ZNF248: variants seen among roughly 807,000 people sequenced by gnomAD.
The protein encoded by ZNF248 is zinc finger protein 248.
In ZNF248, 20 loss-of-function variants were observed where a neutral mutation model predicts 44.3. That is an observed-to-expected ratio of 0.45 (90% CI 0.32 to 0.66). The LOEUF (loss-of-function observed/expected upper bound fraction) is 0.66. Ranked by LOEUF, ZNF248 falls within the 30% of genes least tolerant of loss-of-function variation. The probability of loss-of-function intolerance (pLI) is 0.04; values close to 1 mark genes in which losing one functional copy is unlikely to be tolerated. For synonymous variants in ZNF248, 224 were observed against 229.0 expected (o/e 0.98, Z 0.20); for missense variants, 654 against 677.0 (o/e 0.97, Z 0.38).
chr10:37,759,722 AG>A, the ZNF248 span, among the ~76,000 whole-genome samples: 1 of 152,218 alleles, frequency 6.6e-6, no homozygotes, highest in Admixed American at 6.5e-5. Context: ...TACCGAGTTG[AG>A]GTTAGAGCCC....
the ZNF248 span, among the ~76,000 whole-genome samples, chr10:37,767,451 G>T: frequency 2.0e-5 from 3 of 152,324 alleles, no homozygotes; most frequent in East Asian, 3.9e-4. Context: ...CAAGCCAGAA[G>T]GGAGTGGGGG....
chr10:37,820,695 C>G lies in ZNF248; in HGVS notation c.330+12330G>C, dbSNP rs114254041. On this transcript the variant is annotated intron_variant, in intron 6 of 6. Transcript: ENST00000615949. Reference sequence around the variant, plus strand: ...TCATTCTGCTTTTTCTCGGGAGTCTCTACTTCTTTATCACTCAAGGATCCC... The same window carrying G: ...TCATTCTGCTTTTTCTCGGGAGTCTGTACTTCTTTATCACTCAAGGATCCC... The G allele has an allele frequency of 6.9e-4, 949 of 1,371,382 alleles. 6 individuals carry two copies. In the African/African-American group the frequency reaches 0.012, roughly 18 times the overall value. The allele number at this position is 1,371,382 out of a possible 1,614,324, so 85.0% of individuals were successfully genotyped here.
At chr10:37,844,236 C>T (rs1333904952) in intron 3 of ZNF248, among the ~76,000 whole-genome samples, 1 of 152,094 alleles carries the variant, frequency 6.6e-6, no homozygotes, top group East Asian at 1.9e-4. Flanking sequence ...AATAAAAATC[C>T]TGCCAGCCAG....
downstream of ZNF248, among the ~76,000 whole-genome samples, chr10:37,774,566 C>T (rs1471806240): frequency 3.3e-5 from 5 of 152,072 alleles, no homozygotes; most frequent in African/African-American, 7.2e-5. Flanking sequence ...ATGAAGCAGA[C>T]GGAAGAAATC....
At chr10:37,786,243 G>A (rs941267591) in intron 6 of ZNF248, among the ~76,000 whole-genome samples, 4 of 152,236 alleles carry the variant, frequency 2.6e-5, no homozygotes, top group East Asian at 3.9e-4. Flanking sequence ...ATGATTTCAC[G>A]GGAATCCTTC....
Position 37,830,374 on chromosome 10 carries a change from G to C in ZNF248, c.*1241C>G. 2.0e-6 allele frequency: 2 copies of C among 985,304 alleles called. No individual in the cohort carries two copies. Among genetic ancestry groups the C allele is most frequent in the Non-Finnish European group, 2.4e-6 (2 of 829,910 alleles). The allele number at this position is 985,304 out of a possible 1,614,324, so 61.0% of individuals were successfully genotyped here. The stretch of plus-strand genomic sequence containing the variant: ...GGAAACAGTCAGAGGAAAGGTACGT[G>C]ATATAGTTCTTTGTGAAATAATATT... On this transcript the variant is annotated 3_prime_UTR_variant, in exon 6 of 6. Coordinates refer to ENST00000395867, the MANE Select transcript of ZNF248 (RefSeq NM_021045.3).
chr10:37,816,123 T>C (rs1319550634), intron 6 of ZNF248, among the ~76,000 whole-genome samples: 1 of 151,700 alleles, frequency 6.6e-6, no homozygotes, highest in Non-Finnish European at 1.5e-5. Context: ...CCCTAGGCTC[T>C]GGGAATGGCT....
intron 3 of ZNF248, 80 bp downstream of exon 3, chr10:37,856,216 C>T: frequency 6.7e-7 from 1 of 1,494,384 alleles, no homozygotes; most frequent in East Asian, 2.3e-5. Context: ...TTCTATTTTT[C>T]CATTTTCAAA....
At chr10:37,805,466 T>A (rs962474418) in intron 6 of ZNF248, among the ~76,000 whole-genome samples, 2 of 152,194 alleles carry the variant, frequency 1.3e-5, no homozygotes, top group African/African-American at 2.4e-5. Flanking sequence ...CTTACATAAT[T>A]AGGGACTTTC....
At chr10:37,765,749 AGACAGTGGGTGCAG>A in the ZNF248 span, among the ~76,000 whole-genome samples, 7 of 144,144 alleles carry the variant, frequency 4.9e-5, no homozygotes, top group African/African-American at 8.6e-5. Flanking sequence ...AGGGAGTGCC[AGACAGTGGGTGCAG>A]GACAGTGGGT....
chr10:37,792,268 T>C (rs1268312566), intron 6 of ZNF248, among the ~76,000 whole-genome samples: 1 of 152,158 alleles, frequency 6.6e-6, no homozygotes, highest in Non-Finnish European at 1.5e-5. Flanking sequence ...CATGGAACTG[T>C]TTCCCTATAA....
At chr10:37,767,233 A>C in the ZNF248 span, among the ~76,000 whole-genome samples, 2 of 152,222 alleles carry the variant, frequency 1.3e-5, no homozygotes, top group African/African-American at 4.8e-5. Context: ...TCCCCAATCT[A>C]ACAAGGCAGG....
intron 6 of ZNF248, among the ~76,000 whole-genome samples, chr10:37,777,674 A>C (rs921834718): frequency 1.5e-5 from 2 of 131,454 alleles, no homozygotes; most frequent in Non-Finnish European, 3.2e-5. Flanking sequence ...TCCCAATGCT[A>C]TCCCTCCCCC....
At chr10:37,792,309 A>T (rs2048655064) in intron 6 of ZNF248, among the ~76,000 whole-genome samples, 1 of 152,230 alleles carries the variant, frequency 6.6e-6, no homozygotes, top group Non-Finnish European at 1.5e-5. Context: ...AAACAAACTG[A>T]GCAACAAAAG....
Position 37,832,695 on chromosome 10 carries a change from T to A in ZNF248, c.660A>T (p.Gly220=). The A allele has an allele frequency of 1.2e-6, 2 of 1,613,530 alleles. No individual in the cohort carries two copies. Among genetic ancestry groups the A allele is most frequent in the Non-Finnish European group, 1.7e-6 (2 of 1,179,886 alleles). ...ATGCTGCCTCATCATGGAAGCCTTGTCCATTTTTACTATACTCAAAAGATT... is the reference window on the plus strand; with the variant it reads ...ATGCTGCCTCATCATGGAAGCCTTGACCATTTTTACTATACTCAAAAGATT... ...FGQSFEYSKN[G]QGFHDEAAFF... is the part of the protein sequence containing the mutation. Residue 220 remains glycine (G), a synonymous_variant, in exon 6 of 6, where the codon GGA becomes GGT. Coordinates refer to ENST00000395867, the MANE Select transcript of ZNF248 (RefSeq NM_021045.3).
intron 3 of ZNF248, among the ~76,000 whole-genome samples, chr10:37,852,852 G>C (rs2060544484): frequency 6.6e-6 from 1 of 151,878 alleles, no homozygotes; most frequent in Admixed American, 6.6e-5. Flanking sequence ...AATATTTGAT[G>C]AAAAGAAAAG....
At chr10:37,816,280 C>G (rs925671629) in intron 6 of ZNF248, among the ~76,000 whole-genome samples, 1 of 152,162 alleles carries the variant, frequency 6.6e-6, no homozygotes, top group Non-Finnish European at 1.5e-5. Context: ...TTTACACCTC[C>G]GTGTCTGCAC....
intron 3 of ZNF248, among the ~76,000 whole-genome samples, chr10:37,852,885 T>G (rs1011247483): frequency 5.3e-5 from 8 of 151,950 alleles, no homozygotes; most frequent in African/African-American, 1.9e-4. Context: ...TTTTTTTAGA[T>G]GGAGTCTCGC....
downstream of ZNF248, chr10:37,776,156 G>A (rs2046568638): frequency 6.4e-6 from 1 of 156,600 alleles, no homozygotes; most frequent in African/African-American, 2.4e-5. Flanking sequence ...CTGAATGTGG[G>A]GCATGTTGGT....
Sources: allele counts gnomAD v4.1 joint callset (sites outside exome capture counted in the v4.1 genomes callset), GRCh38; gene constraint gnomAD v4.1.1; transcripts MANE v1.5; gene names NCBI Gene and HGNC (gene_info 2026-07-23, HGNC 2026-07-21).